SLC7A9: variants seen among roughly 807,000 people sequenced by gnomAD.
The protein encoded by SLC7A9 is solute carrier family 7 member 9.
In SLC7A9, 38 loss-of-function variants were observed where a neutral mutation model predicts 54.1. The ratio of observed to expected loss-of-function variants is 0.70; its 90% confidence interval spans 0.54 to 0.92. The LOEUF (loss-of-function observed/expected upper bound fraction) is 0.92. Among genes scored for constraint, SLC7A9 ranks in the 40% least tolerant of loss-of-function variants. SLC7A9 has a pLI of 0.00. For synonymous variants in SLC7A9, 264 were observed against 258.9 expected (o/e 1.02, Z -0.19); for missense variants, 537 against 636.1 (o/e 0.84, Z 1.68).
At chr19:32,860,028 C>T (rs1334520534) in intron 7 of SLC7A9, 64 bp from the exon 8 acceptor site, 5 of 1,613,230 alleles carry the variant, frequency 3.1e-6, no homozygotes, top group Non-Finnish European at 4.2e-6. Context: ...AGATGGACGC[C>T]CTCCCTGAGG....
intron 9 of SLC7A9, among the ~76,000 whole-genome samples, chr19:32,847,198 C>T (rs1038340788): frequency 2.3e-4 from 35 of 152,132 alleles, no homozygotes; most frequent in Non-Finnish European, 4.4e-4. Context: ...ATGACTTTGA[C>T]GAGTTGAGAG....
In SLC7A9 at chr19:32,859,919, C is replaced by A; in HGVS notation, c.795G>T (p.Ala265=). The A allele has an allele frequency of 6.2e-7, 1 of 1,614,144 alleles. No homozygotes were observed. The highest frequency in any genetic ancestry group is 8.5e-7 in the Non-Finnish European group (1 of 1,180,040). ...AGGACACGTTCATGAGGATGTAGCACGCCGTCACCAGGGGGATCCCGATGA... is the reference window on the plus strand; with the variant it reads ...AGGACACGTTCATGAGGATGTAGCAAGCCGTCACCAGGGGGATCCCGATGA... The part of the protein sequence containing the change: ...AIIIGIPLVT[A]CYILMNVSYF... The change falls in exon 8 of 13, where the codon GCG becomes GCT. Residue 265 remains alanine, a synonymous_variant. Transcript: ENST00000023064.
intron 9 of SLC7A9, among the ~76,000 whole-genome samples, chr19:32,852,251 G>A (rs1968491961): frequency 6.6e-6 from 1 of 152,070 alleles, no homozygotes; most frequent in South Asian, 2.1e-4. Context: ...AGCACTTTGG[G>A]AGGTTGAAGT....
At chr19:32,842,143 C>G (rs1277638167) in intron 11 of SLC7A9, 25 bp downstream of exon 11, 2 of 1,612,978 alleles carry the variant, frequency 1.2e-6, no homozygotes, top group South Asian at 1.1e-5. Flanking sequence ...CAAAGCCACT[C>G]GTGACTCTGG....
At chr19:32,844,777 G>T (rs747806501) in intron 9 of SLC7A9, among the ~76,000 whole-genome samples, 1 of 142,996 alleles carries the variant, frequency 7.0e-6, no homozygotes, top group Non-Finnish European at 1.5e-5. Flanking sequence ...GTTGCGGTGA[G>T]CTGAGATCGC....
In SLC7A9 at chr19:32,862,506, T is replaced by A. The variant is rs368441237; in HGVS notation, c.559A>T (p.Ile187Phe). 7.4e-5 allele frequency: 119 copies of A among 1,613,468 alleles called. No homozygotes were observed. Among genetic ancestry groups the A allele is most frequent in the Non-Finnish European group, 9.3e-5 (110 of 1,180,024 alleles). Residue 187 changes from isoleucine (I) to phenylalanine (F), a missense_variant, in exon 5 of 13, where the codon ATC becomes TTC. Coordinates refer to ENST00000023064, the MANE Select transcript of SLC7A9 (RefSeq NM_014270.5). ...CCGCTGATGATGATGATGGCCACGATCACCAGCTTGGCCGCGGTGAAGATG... is the reference window on the plus strand; with the variant it reads ...CCGCTGATGATGATGATGGCCACGAACACCAGCTTGGCCGCGGTGAAGATG... ...QNIFTAAKLV[I>F]VAIIIISGLV...
intron 9 of SLC7A9, among the ~76,000 whole-genome samples, chr19:32,845,450 T>C (rs1473256062): frequency 6.8e-6 from 1 of 146,094 alleles, no homozygotes; most frequent in Non-Finnish European, 1.5e-5. Context: ...AGCCGAGATC[T>C]CACCATTGCA....
At chr19:32,848,231 C>T (rs1968360470) in intron 9 of SLC7A9, among the ~76,000 whole-genome samples, 1 of 152,188 alleles carries the variant, frequency 6.6e-6, no homozygotes, top group African/African-American at 2.4e-5. Context: ...AATTAAAAGA[C>T]ACAGACTGGC....
chr19:32,843,597 T>C (rs888981635), intron 10 of SLC7A9, among the ~76,000 whole-genome samples: 1 of 152,174 alleles, frequency 6.6e-6, no homozygotes, highest in Non-Finnish European at 1.5e-5. Context: ...TGGGCTTTTA[T>C]ATAGAGTTTG....
At chr19:32,838,541 TGTA>T (rs978434495) in intron 11 of SLC7A9, among the ~76,000 whole-genome samples, 2 of 148,366 alleles carry the variant, frequency 1.3e-5, no homozygotes, top group African/African-American at 2.4e-5. Flanking sequence ...ATATATTTGT[TGTA>T]TATATGTTAT....
intron 6 of SLC7A9, among the ~76,000 whole-genome samples, chr19:32,860,986 T>C (rs965933960): frequency 6.6e-6 from 1 of 152,158 alleles, no homozygotes; most frequent in African/African-American, 2.4e-5. Context: ...TATAAATGCT[T>C]TGCAGGAGAG....
At chr19:32,832,914 A>G in intron 12 of SLC7A9, 1 of 517,934 alleles carries the variant, frequency 1.9e-6, no homozygotes, top group Non-Finnish European at 3.5e-6. Flanking sequence ...GTCTCCAAAA[A>G]GAAAAGAAAA....
chr19:32,858,633 C>T (rs962629038), intron 8 of SLC7A9, 90 bp from the exon 9 acceptor site: 2 of 975,806 alleles, frequency 2.0e-6, no homozygotes, highest in Admixed American at 4.0e-5. Flanking sequence ...TCCCAGGGGA[C>T]CCAGGGACCC....
At chr19:32,861,865 C>T (rs1036650207) in intron 6 of SLC7A9, among the ~76,000 whole-genome samples, 1 of 152,064 alleles carries the variant, frequency 6.6e-6, no homozygotes, top group African/African-American at 2.4e-5. Flanking sequence ...GCCCTGGCTG[C>T]CTCTGATTTG....
chr19:32,868,719 C>T, intron 1 of SLC7A9, 74 bp from the exon 2 acceptor site: 1 of 662,968 alleles, frequency 1.5e-6, no homozygotes, highest in Non-Finnish European at 2.8e-6. Flanking sequence ...TGCGCTGGGC[C>T]CCAGAGTCAA....
In SLC7A9 at chr19:32,868,554, A is replaced by G; in HGVS notation, c.-20T>C. 2 of 1,604,236 alleles carry G rather than the reference A, an allele frequency of 1.2e-6. No homozygotes were observed. The highest frequency in any genetic ancestry group is 1.7e-6 in the Non-Finnish European group (2 of 1,171,026). ...CCCCATGTTTCCTCCTGCTGGTTCC[A>G]GGAGACTGCAAGGAGGGCGCACAGC... is the stretch of plus-strand genomic sequence containing the variant. On this transcript the variant is annotated 5_prime_UTR_variant, in exon 2 of 13. Transcript: ENST00000023064.
chr19:32,846,252 G>GAGTT (rs1968289549), intron 9 of SLC7A9, among the ~76,000 whole-genome samples: 1 of 151,900 alleles, frequency 6.6e-6, no homozygotes, highest in Non-Finnish European at 1.5e-5. Flanking sequence ...AGGGGTCAGG[G>GAGTT]AGTTCCCTTT....
rs1301856901 is a variant in SLC7A9, at chr19:32,858,435, C to G, written c.977+5G>C. 1 of 1,609,154 alleles carries G rather than the reference C, an allele frequency of 6.2e-7. No homozygotes were observed. Among genetic ancestry groups the G allele is most frequent in the Non-Finnish European group, 8.5e-7 (1 of 1,176,840 alleles). On this transcript the variant is annotated splice_donor_5th_base_variant and intron_variant, in intron 9 of 12. Transcript: ENST00000023064. The stretch of plus-strand genomic sequence containing the variant: ...ACCCTGGGAGTGACGGTGGGGGTCC[C>G]CTACCTGCCCGCTGTGAAGCAGGTC...
chr19:32,844,187 T>A (rs1968213663), intron 9 of SLC7A9, among the ~76,000 whole-genome samples: 1 of 152,138 alleles, frequency 6.6e-6, no homozygotes, highest in Non-Finnish European at 1.5e-5. Flanking sequence ...ACGCCTGTAA[T>A]CCCAACACCT....
Sources: allele counts gnomAD v4.1 joint callset (sites outside exome capture counted in the v4.1 genomes callset), GRCh38; gene constraint gnomAD v4.1.1; transcripts MANE v1.5; gene names NCBI Gene and HGNC (gene_info 2026-07-23, HGNC 2026-07-21).